ABR: variants seen among roughly 807,000 people sequenced by gnomAD.
ABR encodes active breakpoint cluster region-related protein.
In ABR, 35 loss-of-function variants were observed where a neutral mutation model predicts 107.2. The observed-to-expected ratio is 0.33, with a 90% CI of 0.25 to 0.43. The LOEUF (loss-of-function observed/expected upper bound fraction) is 0.43. ABR is among the 20% of genes least tolerant of loss of function. ABR has a pLI of 1.00. For synonymous variants in ABR, 498 were observed against 462.0 expected, an observed-to-expected ratio of 1.08 and a Z score of -1.00; for missense variants, 815 against 1,115.2, an observed-to-expected ratio of 0.73 and a Z score of 3.83.
chr17:1,096,626 G>A (rs1012105475), intron 3 of ABR, among the ~76,000 whole-genome samples: 6 of 152,182 alleles, frequency 3.9e-5, no homozygotes, highest in African/African-American at 1.4e-4. Context: ...TGCTCCCTCT[G>A]GTCTCTGCTC....
intron 1 of ABR, among the ~76,000 whole-genome samples, chr17:1,176,811 C>T (rs1313797096): frequency 2.0e-5 from 3 of 151,608 alleles, no homozygotes; most frequent in African/African-American, 4.8e-5. Context: ...CGCACCACTG[C>T]ACTCCAGCCT....
At chr17:1,049,098 C>T (rs1029092205) in intron 16 of ABR, among the ~76,000 whole-genome samples, 2 of 152,184 alleles carry the variant, frequency 1.3e-5, no homozygotes, top group Admixed American at 1.3e-4. Context: ...GTTTCAGAGA[C>T]ACAGGCTGCA....
rs1034726060 is a variant in ABR, at chr17:1,009,556, G to T, written c.2342+123C>A. 3.5e-5 allele frequency: 27 copies of T among 772,572 alleles called. 1 individual carries two copies. The highest frequency in any genetic ancestry group is 6.1e-4 in the Middle Eastern group (2 of 3,304). 47.9% of individuals were successfully genotyped at this position (772,572 alleles called of 1,614,324 possible). ...CACGAGGAGGGACTGAGGAGGTGGG[G>T]TTGGGGCCACTCCCCGTTACCTTTT... On this transcript the variant is annotated intron_variant, in intron 21 of 22. Coordinates refer to ENST00000302538, the MANE Select transcript of ABR (RefSeq NM_021962.5).
At chr17:1,216,234 C>T (rs577756241) in intron 1 of ABR, among the ~76,000 whole-genome samples, 1 of 152,192 alleles carries the variant, frequency 6.6e-6, no homozygotes, top group South Asian at 2.1e-4. Flanking sequence ...GTGCCAGGCT[C>T]AGCCCTTATA....
intron 3 of ABR, among the ~76,000 whole-genome samples, chr17:1,096,731 C>T (rs1776136659): frequency 6.7e-6 from 1 of 148,214 alleles, no homozygotes. Context: ...GGGGAACCTG[C>T]CCCGGGAGGA....
intron 1 of ABR, among the ~76,000 whole-genome samples, chr17:1,192,698 A>C (rs2042461675): frequency 6.6e-6 from 1 of 152,172 alleles, no homozygotes; most frequent in Non-Finnish European, 1.5e-5. Flanking sequence ...GGATCACCCG[A>C]GGCCACGAGT....
chr17:1,031,507 A>T, intron 16 of ABR: 1 of 716,398 alleles, frequency 1.4e-6, no homozygotes, highest in East Asian at 3.7e-5. Flanking sequence ...CGGGAGCGGG[A>T]CCCCATCAGC....
At chr17:1,065,851 T>C (rs1452001828) in intron 10 of ABR, among the ~76,000 whole-genome samples, 1 of 149,506 alleles carries the variant, frequency 6.7e-6, no homozygotes, top group Non-Finnish European at 1.5e-5. Context: ...GTTCAAGCAA[T>C]TCTCCTGTCT....
Position 1,216,087 on chromosome 17 carries a change from T to A in ABR, c.838+12706A>T, listed in dbSNP as rs535666486. On this transcript the variant is annotated intron_variant, in intron 1 of 22. Transcript: ENST00000574139. ...AGGAAAACCAGAGACCTTTGTTCAC[T>A]TGTTTATCTGCTGACCTTCCCTCCA... Among the ~76,000 whole-genome samples the A allele has an allele frequency of 1.5e-3, 228 of 151,500 alleles. No individual in the cohort carries two copies. In the East Asian group the frequency reaches 0.017, roughly 11 times the overall value.
At chr17:1,134,767 C>T (rs931041838) in intron 1 of ABR, among the ~76,000 whole-genome samples, 2 of 152,230 alleles carry the variant, frequency 1.3e-5, no homozygotes, top group Non-Finnish European at 2.9e-5. Context: ...ATCGCTGTGG[C>T]TGAGAGCAGG....
chr17:1,012,834 G>A, intron 17 of ABR, 37 bp from the exon 18 acceptor site: 3 of 1,506,950 alleles, frequency 2.0e-6, no homozygotes, highest in Middle Eastern at 1.8e-4. Flanking sequence ...ATTCCCCAGG[G>A]TGTGAGTGCC....
rs1567668733 is a variant in ABR, at chr17:1,057,308, T to TGTG, written c.1382-207_1382-206insCAC. ...AGTAGGAGAATCTAACTGAAGAGGTTTGTGTGTGTGTGTGTGTGTGTGTGT... is the reference window on the plus strand; with the variant it reads ...AGTAGGAGAATCTAACTGAAGAGGTTGTGTGTGTGTGTGTGTGTGTGTGTGTGT... On this transcript the variant is annotated intron_variant, in intron 12 of 22. Coordinates refer to ENST00000302538, the MANE Select transcript of ABR (RefSeq NM_021962.5). Among the ~76,000 whole-genome samples the TGTG allele has an allele frequency of 8.4e-4, 57 of 68,032 alleles. 3 individuals are homozygous for TGTG. The highest frequency in any genetic ancestry group is 1.2e-3 in the African/African-American group (21 of 17,842). 44.6% of individuals were successfully genotyped at this position (68,032 alleles called of 152,430 possible).
rs2070133819 is a variant in ABR at position 1,007,378 on chromosome 17, T to G, written c.2343-66A>C. 5 of 1,592,034 alleles carry G rather than the reference T, an allele frequency of 3.1e-6. No individual in the cohort carries two copies. The Admixed American group carries it at 8.6e-5, about 27-fold the overall frequency. On this transcript the variant is annotated intron_variant, in intron 21 of 22. Transcript: ENST00000302538. The stretch of plus-strand genomic sequence containing the variant: ...GCAGCCACTCGGAGCTCCAGGACCC[T>G]TGGCCTTCGCTGTGGGAACTCCTGA...
intron 10 of ABR, among the ~76,000 whole-genome samples, chr17:1,060,763 C>T (rs948714448): frequency 2.0e-5 from 3 of 151,942 alleles, no homozygotes; most frequent in Non-Finnish European, 2.9e-5. Flanking sequence ...GAGGCCGGGG[C>T]GGGTGGATCA....
intron 16 of ABR, among the ~76,000 whole-genome samples, chr17:1,028,172 C>T (rs377575172): frequency 2.6e-5 from 4 of 152,168 alleles, no homozygotes; most frequent in African/African-American, 9.7e-5. Flanking sequence ...CTCACTGCAA[C>T]CTCCACCTCC....
At chr17:1,132,240 C>CAT (rs924131992) in intron 1 of ABR, among the ~76,000 whole-genome samples, 32 of 152,012 alleles carry the variant, frequency 2.1e-4, no homozygotes, top group Admixed American at 3.3e-4. Flanking sequence ...CACACATACA[C>CAT]ATATATATAT....
In ABR at chr17:1,203,372, G is replaced by A. The variant is rs1210484233; in HGVS notation, c.838+25421C>T. Among the ~76,000 whole-genome samples, 263 of 133,156 alleles carry A rather than the reference G, an allele frequency of 2.0e-3. 9 individuals are homozygous for A. Among genetic ancestry groups the A allele is most frequent in the Middle Eastern group, 0.011 (3 of 282 alleles). 87.4% of individuals were successfully genotyped at this position (133,156 alleles called of 152,430 possible). Reference sequence around the variant, plus strand: ...GAGCCTGCGGGGCGGTCCCCCGTGGGGGCGGGGCCTTGAGGGGGCGGGGCC... The same window carrying A: ...GAGCCTGCGGGGCGGTCCCCCGTGGAGGCGGGGCCTTGAGGGGGCGGGGCC... On this transcript the variant is annotated intron_variant, in intron 1 of 22. Coordinates refer to the ABR transcript ENST00000574139.
At chr17:1,180,486 T>G (rs2042099179), upstream of ABR, among the ~76,000 whole-genome samples, 1 of 151,936 alleles carries the variant, frequency 6.6e-6, no homozygotes, top group East Asian at 1.9e-4. Context: ...AGCGCGGCCG[T>G]TCCCGCCACA....
At chr17:1,132,741 A>C (rs1200646294) in intron 1 of ABR, among the ~76,000 whole-genome samples, 5 of 152,216 alleles carry the variant, frequency 3.3e-5, no homozygotes, top group African/African-American at 7.2e-5. Flanking sequence ...TGTGTAAGGG[A>C]AATGAACAGA....
Sources: gnomAD v4.1 joint callset for allele counts (sites outside exome capture counted in the v4.1 genomes callset) on GRCh38, gnomAD v4.1.1 for gene constraint, MANE v1.5 for transcripts, NCBI Gene and HGNC (gene_info 2026-07-23, HGNC 2026-07-21) for gene names.